Variants in EYA4 observed in about 807,000 individuals in gnomAD.
EYA4 encodes EYA transcriptional coactivator and phosphatase 4.
EYA4 carries 31 observed loss-of-function variants against 87.9 expected under a neutral mutation model. The observed-to-expected ratio is 0.35, with a 90% confidence interval of 0.27 to 0.48. The LOEUF (loss-of-function observed/expected upper bound fraction) is 0.48. EYA4 is among the 20% of genes least tolerant of loss of function. EYA4 has a pLI of 0.99. For synonymous variants in EYA4, 263 were observed against 270.6 expected, an observed-to-expected ratio of 0.97 and a Z score of 0.28; for missense variants, 678 against 761.4, an observed-to-expected ratio of 0.89 and a Z score of 1.29.
chr6:133,242,465 T>C (rs1210150559), intron 1 of EYA4, among the ~76,000 whole-genome samples: 2 of 152,152 alleles, frequency 1.3e-5, no homozygotes, highest in Non-Finnish European at 2.9e-5. Context: ...ATGGAAGGCT[T>C]ATAACTTCTC....
At chr6:133,392,615 G>C (rs1202127546) in intron 3 of EYA4, among the ~76,000 whole-genome samples, 1 of 152,122 alleles carries the variant, frequency 6.6e-6, no homozygotes, top group East Asian at 1.9e-4. Context: ...TTTTTTCATA[G>C]CTTAAACACA....
At chr6:133,514,883 G>A (rs899183750) in intron 16 of EYA4, among the ~76,000 whole-genome samples, 2 of 152,176 alleles carry the variant, frequency 1.3e-5, no homozygotes, top group Admixed American at 1.3e-4. Context: ...GGAAATGATT[G>A]TGATTATTAA....
At chr6:133,281,874 G>GT (rs1330956074) in intron 2 of EYA4, among the ~76,000 whole-genome samples, 143 of 148,172 alleles carry the variant, frequency 9.7e-4, no homozygotes, top group Non-Finnish European at 1.3e-3. Context: ...TGTGGTATTT[G>GT]TTTTTTTTTT....
chr6:133,319,452 A>G lies in EYA4; in HGVS notation c.33+44639A>G, dbSNP rs565025743. Among the ~76,000 whole-genome samples the G allele has an allele frequency of 4.3e-4, 64 of 150,556 alleles. 2 individuals are homozygous for G. In the South Asian group the frequency reaches 0.013, roughly 31 times the overall value. ...TATTTTGAGGTCATGCCACTTATGC[A>G]TACAAGTTCATAATTATTACATCTT... On this transcript the variant is annotated intron_variant, in intron 2 of 19. Transcript: ENST00000355286.
chr6:133,263,784 G>T (rs574335080), intron 1 of EYA4, among the ~76,000 whole-genome samples: 1 of 152,268 alleles, frequency 6.6e-6, no homozygotes, highest in South Asian at 2.1e-4. Flanking sequence ...TAGTGTAATG[G>T]CACTTTCTGT....
At chr6:133,372,528 C>T (rs1223782462) in intron 2 of EYA4, among the ~76,000 whole-genome samples, 2 of 151,544 alleles carry the variant, frequency 1.3e-5, no homozygotes, top group African/African-American at 2.4e-5. Context: ...AATGTTGCTA[C>T]GATGTTGTGG....
chr6:133,372,202 T>C (rs1785317450), intron 2 of EYA4, among the ~76,000 whole-genome samples: 1 of 152,178 alleles, frequency 6.6e-6, no homozygotes, highest in Admixed American at 6.5e-5. Context: ...TGATGCTGTT[T>C]CTTCTGGTCA....
At position 133,449,545 on chromosome 6, in the gene EYA4, G is replaced by A. The variant is rs147248293; in HGVS notation, c.277+1366G>A. Among the ~76,000 whole-genome samples, 8 of 152,244 alleles carry A rather than the reference G, an allele frequency of 5.3e-5. No homozygotes were observed. In the East Asian group the frequency reaches 5.8e-4, roughly 11 times the overall value. Reference sequence around the variant, plus strand: ...GTTCTTAATGTCAGTGTTAAAACTCGTGAGTCCATGGGAGAAGAACAAGGA... The same window carrying A: ...GTTCTTAATGTCAGTGTTAAAACTCATGAGTCCATGGGAGAAGAACAAGGA... On this transcript the variant is annotated intron_variant, in intron 5 of 19. Coordinates refer to ENST00000355286, the MANE Select transcript of EYA4 (RefSeq NM_004100.5).
chr6:133,249,943 T>G (rs1346795670), intron 1 of EYA4, among the ~76,000 whole-genome samples: 4 of 152,244 alleles, frequency 2.6e-5, no homozygotes, highest in Non-Finnish European at 5.9e-5. Flanking sequence ...CATTTCTGTA[T>G]CGCTAATGCA....
chr6:133,287,424 A>G (rs1778151007), intron 2 of EYA4, among the ~76,000 whole-genome samples: 1 of 152,174 alleles, frequency 6.6e-6, no homozygotes, highest in South Asian at 2.1e-4. Context: ...CAGAGGTACC[A>G]AATATAAGGT....
intron 2 of EYA4, among the ~76,000 whole-genome samples, chr6:133,334,788 G>A (rs1340523290): frequency 6.6e-6 from 1 of 151,912 alleles, no homozygotes; most frequent in African/African-American, 2.4e-5. Context: ...TGAAGATCTT[G>A]GTAAGTATTA....
intron 2 of EYA4, among the ~76,000 whole-genome samples, chr6:133,365,947 C>T (rs1484170221): frequency 6.6e-6 from 1 of 152,064 alleles, no homozygotes; most frequent in Non-Finnish European, 1.5e-5. Flanking sequence ...CATCGGAATA[C>T]AGAAAATAAT....
chr6:133,499,983 A>T (rs1329613436), intron 13 of EYA4, among the ~76,000 whole-genome samples: 1 of 151,366 alleles, frequency 6.6e-6, no homozygotes, highest in African/African-American at 2.4e-5. Flanking sequence ...ACCAGTATTT[A>T]TTCAAAAGTA....
chr6:133,493,463 T>TATA (rs1237545377), intron 13 of EYA4, among the ~76,000 whole-genome samples: 1 of 152,100 alleles, frequency 6.6e-6, no homozygotes, highest in Non-Finnish European at 1.5e-5. Flanking sequence ...ACTAAAGACT[T>TATA]AAATATAAGA....
At chr6:133,453,538 T>G (rs1329681853) in intron 5 of EYA4, 1 of 152,056 alleles carries the variant, frequency 6.6e-6, no homozygotes, top group Non-Finnish European at 1.5e-5. Flanking sequence ...GAAAAAATAG[T>G]TGTTTATTAT....
chr6:133,467,623 A>C (rs758298273), intron 10 of EYA4, among the ~76,000 whole-genome samples: 3 of 152,118 alleles, frequency 2.0e-5, no homozygotes, highest in Non-Finnish European at 2.9e-5. Flanking sequence ...TCATTTATGA[A>C]GATATACATA....
At chr6:133,431,969 A>G (rs918863382) in intron 3 of EYA4, among the ~76,000 whole-genome samples, 3 of 148,386 alleles carry the variant, frequency 2.0e-5, no homozygotes, top group African/African-American at 5.0e-5. Flanking sequence ...TTTTTTGCCA[A>G]TATCTTTTTC....
chr6:133,344,998 A>T (rs1400529922), intron 2 of EYA4, among the ~76,000 whole-genome samples: 1 of 152,180 alleles, frequency 6.6e-6, no homozygotes, highest in Non-Finnish European at 1.5e-5. Flanking sequence ...CATTTTAGAA[A>T]GGAACAGTCT....
intron 1 of EYA4, among the ~76,000 whole-genome samples, chr6:133,246,604 A>G (rs1027592198): frequency 1.3e-5 from 2 of 152,162 alleles, no homozygotes; most frequent in Admixed American, 6.5e-5. Context: ...GATGTCAAAT[A>G]TGAGAGCATA....
Sources: allele counts gnomAD v4.1 joint callset (sites outside exome capture counted in the v4.1 genomes callset), GRCh38; gene constraint gnomAD v4.1.1; transcripts MANE v1.5; gene names NCBI Gene and HGNC (gene_info 2026-07-23, HGNC 2026-07-21).